CDH23: variants seen among roughly 807,000 people sequenced by gnomAD.
CDH23 encodes cadherin related 23, also known as cadherin-23.
A neutral mutation model predicts 317.1 loss-of-function variants in CDH23; 189 were observed. That is an observed-to-expected ratio of 0.60 (90% CI 0.53 to 0.67). The LOEUF (loss-of-function observed/expected upper bound fraction) is 0.67, where lower values mean the gene tolerates loss of function less well. CDH23 is among the 30% of genes least tolerant of loss of function. CDH23 has a pLI of 0.00. For synonymous variants in CDH23, 1,839 were observed against 1,876.8 expected, an observed-to-expected ratio of 0.98 and a Z score of 0.52; for missense variants, 4,401 against 4,592.4, an observed-to-expected ratio of 0.96 and a Z score of 1.20.
chr10:71,706,904 T>A lies in CDH23; in HGVS notation c.2961T>A (p.Asp987Glu). The change falls in exon 26 of 70, where the codon GAT becomes GAA. Residue 987 changes from aspartate (D) to glutamate (E), a missense_variant. This residue lies in a region of CDH23 where 3,068 missense variants were observed against 3,203.3 expected (regional missense o/e 0.96). Transcript: ENST00000224721. ...GCCCGTTCTGCCCCGCAGTGCTGGA[T>A]GTGAACGACGAGACGCCCACCTTCT... Reference protein sequence around the residue: ...STSTLTIHVLDVNDETPTFFP... With the variant: ...STSTLTIHVLEVNDETPTFFP... 1 of 1,600,302 alleles carries A rather than the reference T, an allele frequency of 6.2e-7. No individual in the cohort carries two copies. Among genetic ancestry groups the A allele is most frequent in the Non-Finnish European group, 8.5e-7 (1 of 1,174,026 alleles).
Position 71,739,772 on chromosome 10 carries a change from G to T in CDH23, c.4488G>T (p.Gln1496His). The change falls in exon 36 of 70, where the codon CAG (glutamine) becomes CAT (histidine). Residue 1496 changes from glutamine to histidine, a missense_variant and splice_region_variant. Transcript: ENST00000224721. ...DREELDHYIL[Q>H]VVASDRGTPP... ...AAGAGCTGGATCACTACATCCTCCA[G>T]GTGGGGCCTGGCCTCCCTTGGACTG... 2 of 1,608,304 alleles carry T rather than the reference G, an allele frequency of 1.2e-6. No homozygotes were observed. Among genetic ancestry groups the T allele is most frequent in the Non-Finnish European group, 8.5e-7 (1 of 1,177,624 alleles).
At chr10:71,603,024 G>A (rs1860319592) in intron 9 of CDH23, among the ~76,000 whole-genome samples, 1 of 152,090 alleles carries the variant, frequency 6.6e-6, no homozygotes. Flanking sequence ...TGGGCTCCCT[G>A]GGGGTATGAC....
Position 71,813,934 on chromosome 10 carries a change from G to A in CDH23, c.9738+586G>A, listed in dbSNP as rs547427361. 2.8e-3 allele frequency among the ~76,000 whole-genome samples: 426 copies of A among 152,232 alleles called. 2 individuals carry two copies. Among genetic ancestry groups the A allele is most frequent in the Non-Finnish European group, 4.6e-3 (314 of 68,000 alleles). On this transcript the variant is annotated intron_variant, in intron 69 of 69. Transcript: ENST00000224721. ...AAAAAGGAAAGAAAAGAAACTGGCC[G>A]TCAGGGTCAAATAGGCCTACATATG...
intron 22 of CDH23, among the ~76,000 whole-genome samples, chr10:71,695,929 C>T (rs1251151921): frequency 6.6e-6 from 1 of 152,236 alleles, no homozygotes; most frequent in Non-Finnish European, 1.5e-5. Flanking sequence ...CTGCTGTGCC[C>T]CTGCAGTCAT....
chr10:71,425,557 C>G (rs1849038794), intron 1 of CDH23, among the ~76,000 whole-genome samples: 2 of 152,208 alleles, frequency 1.3e-5, no homozygotes, highest in African/African-American at 2.4e-5. Context: ...CAGGACAGTG[C>G]TACCCCAGCT....
intron 8 of CDH23, among the ~76,000 whole-genome samples, chr10:71,576,786 G>A (rs1188453633): frequency 6.6e-6 from 1 of 152,208 alleles, no homozygotes; most frequent in Admixed American, 6.5e-5. Flanking sequence ...GCGACTCAGC[G>A]AGTGGTGGCG....
intron 41 of CDH23, among the ~76,000 whole-genome samples, chr10:71,780,506 G>T (rs949932687): frequency 1.7e-4 from 26 of 152,328 alleles, no homozygotes; most frequent in African/African-American, 5.8e-4. Flanking sequence ...AGGCACTGAG[G>T]TTGGAGCATG....
intron 14 of CDH23, among the ~76,000 whole-genome samples, chr10:71,668,633 A>G (rs1426293654): frequency 6.6e-6 from 1 of 152,254 alleles, no homozygotes; most frequent in East Asian, 1.9e-4. Context: ...TGAATGAAAT[A>G]AAGTGCAGGA....
chr10:71,401,244 G>A (rs117554123), intron 1 of CDH23, among the ~76,000 whole-genome samples: 2,006 of 152,226 alleles, frequency 0.013, 57 homozygotes, highest in East Asian at 0.076. Context: ...GGGGTGGCTG[G>A]TGCGGGTGGG....
Position 71,738,562 on chromosome 10 carries a change from CGGTCAGCATACCCGA to C in CDH23, c.4277_4291del (p.Val1426_Glu1430del). On this transcript the variant is annotated inframe_deletion, in exon 35 of 70. Coordinates refer to ENST00000224721, the MANE Select transcript of CDH23 (RefSeq NM_022124.6). ...CGGTTTGACTTCACCTCCGACTCGG[CGGTCAGCATACCCGA>C]GGACTGCCCTGTGGGCCAGCGAGTG... is the stretch of plus-strand genomic sequence containing the variant. The C allele has an allele frequency of 6.2e-7, 1 of 1,613,934 alleles. No individual in the cohort carries two copies. The highest frequency in any genetic ancestry group is 1.1e-5 in the South Asian group (1 of 91,088).
At chr10:71,641,876 T>G (rs1862566276) in intron 11 of CDH23, among the ~76,000 whole-genome samples, 1 of 152,068 alleles carries the variant, frequency 6.6e-6, no homozygotes, top group Non-Finnish European at 1.5e-5. Context: ...GTCAGGAGTT[T>G]GAGACCAGCC....
At chr10:71,518,368 T>C (rs1258968593) in intron 6 of CDH23, among the ~76,000 whole-genome samples, 1 of 152,202 alleles carries the variant, frequency 6.6e-6, no homozygotes, top group Non-Finnish European at 1.5e-5. Flanking sequence ...TGGCCTGCTT[T>C]TGATTTGCAA....
chr10:71,806,069 C>G (rs1420977607), intron 56 of CDH23, 72 bp downstream of exon 56: 5 of 1,533,810 alleles, frequency 3.3e-6, no homozygotes, highest in Non-Finnish European at 4.4e-6. Context: ...TCTTGCACCT[C>G]GCCTCCTGGA....
chr10:71,733,043 C>T (rs1839442294), intron 32 of CDH23, among the ~76,000 whole-genome samples: 1 of 151,918 alleles, frequency 6.6e-6, no homozygotes, highest in South Asian at 2.1e-4. Context: ...ATCACAACCT[C>T]TAGGTTGTTT....
chr10:71,556,589 A>AC, intron 6 of CDH23, among the ~76,000 whole-genome samples: 1 of 152,088 alleles, frequency 6.6e-6, no homozygotes, highest in South Asian at 2.1e-4. Flanking sequence ...CGGTCTCAAA[A>AC]AAAAAAAAGA....
chr10:71,806,005 C>A lies in CDH23; in HGVS notation c.8064+8C>A. On this transcript the variant is annotated splice_region_variant and intron_variant, in intron 56 of 69. Transcript: ENST00000224721. Reference sequence around the variant, plus strand: ...TCGCAGGCGGTGTACAGCGTAAGGGCGGGGCCCGGTGCGAGGGGCGGGGTC... The same window carrying A: ...TCGCAGGCGGTGTACAGCGTAAGGGAGGGGCCCGGTGCGAGGGGCGGGGTC... The A allele has an allele frequency of 1.8e-6, 1 of 553,864 alleles. No homozygotes were observed. The highest frequency in any genetic ancestry group is 3.2e-6 in the Non-Finnish European group (1 of 309,608). 34.3% of individuals were successfully genotyped at this position (553,864 alleles called of 1,614,324 possible).
chr10:71,594,774 C>A (rs921352330), intron 9 of CDH23, among the ~76,000 whole-genome samples: 1 of 152,118 alleles, frequency 6.6e-6, no homozygotes, highest in Non-Finnish European at 1.5e-5. Context: ...GTTTGCTGAC[C>A]CCCACACACT....
intron 3 of CDH23, among the ~76,000 whole-genome samples, chr10:71,487,449 T>A (rs2132130744): frequency 6.6e-6 from 1 of 152,292 alleles, no homozygotes; most frequent in South Asian, 2.1e-4. Context: ...GGACGTGACA[T>A]AAGCGTGTCT....
chr10:71,591,596 T>C (rs373636310), intron 9 of CDH23, among the ~76,000 whole-genome samples: 1 of 152,126 alleles, frequency 6.6e-6, no homozygotes, highest in Non-Finnish European at 1.5e-5. Flanking sequence ...TTTTTTAAGA[T>C]GATGTTTAAA....
Sources: allele counts gnomAD v4.1 joint callset (sites outside exome capture counted in the v4.1 genomes callset), GRCh38; gene constraint gnomAD v4.1.1; regional missense constraint gnomAD v4.1.1; transcripts MANE v1.5; gene names NCBI Gene and HGNC (gene_info 2026-07-23, HGNC 2026-07-21).